The following CACNA1B variants were observed in gnomAD, a reference collection of about 807,000 sequenced individuals.
CACNA1B encodes the protein calcium voltage-gated channel subunit alpha1 B, also known as voltage-dependent N-type calcium channel subunit alpha-1B.
A neutral mutation model predicts 247.2 loss-of-function variants in CACNA1B; 70 were observed. The observed-to-expected ratio is 0.28, with a 90% CI of 0.23 to 0.35. CACNA1B has a LOEUF of 0.35. Among genes scored for constraint, CACNA1B ranks in the 10% least tolerant of loss-of-function variants. The pLI is 1.00. For synonymous variants in CACNA1B, 1,231 were observed against 1,294.4 expected (o/e 0.95, Z 1.05); for missense variants, 2,367 against 3,197.4 (o/e 0.74, Z 6.26).
At chr9:138,041,717 C>T (rs1353787687) in intron 20 of CACNA1B, among the ~76,000 whole-genome samples, 1 of 152,066 alleles carries the variant, frequency 6.6e-6, no homozygotes, top group Non-Finnish European at 1.5e-5. Flanking sequence ...TTCATTGAAG[C>T]CAGACTGATT....
At position 138,115,619 on chromosome 9, in the gene CACNA1B, G is replaced by A. The variant is rs764730463; in HGVS notation, c.5717G>A (p.Arg1906Gln). 6 of 1,613,584 alleles carry A rather than the reference G, an allele frequency of 3.7e-6. No homozygotes were observed. Among genetic ancestry groups the A allele is most frequent in the South Asian group, 1.1e-5 (1 of 91,064 alleles). Residue 1906 changes from arginine to glutamine, a missense_variant, in exon 42 of 47, where the codon CGA becomes CAA. Physicochemically the swap from Arg to Gln is conservative, Grantham distance 43. Around this residue, in one of 12 missense-constraint regions of CACNA1B, gnomAD observed 773 missense variants for 779.4 expected, o/e 0.99. Coordinates refer to ENST00000371372, the MANE Select transcript of CACNA1B (RefSeq NM_000718.4). The stretch of plus-strand genomic sequence containing the variant: ...GAGCAGACACAGCCGGCTGTGCTCC[G>A]AGGAGCCCGGGTTTTCCTTCGACAG... The part of the protein sequence containing the change: ...TLEQTQPAVL[R>Q]GARVFLRQKS...
chr9:137,919,624 C>T lies in CACNA1B; in HGVS notation c.966+2193C>T, dbSNP rs559278683. Among the ~76,000 whole-genome samples the T allele has an allele frequency of 1.3e-5, 2 of 152,310 alleles. No individual in the cohort carries two copies. The highest frequency in any genetic ancestry group is 4.1e-4 in the South Asian group (2 of 4,824). ...CTCACCTCCAACCCAGTGAGAGGGA[C>T]TTTTGTGGCCCCTCGGATATACGCT... On this transcript the variant is annotated intron_variant, in intron 6 of 46. Transcript: ENST00000371372. The surrounding 1 kb of genome is among the most constrained non-coding windows in gnomAD (Gnocchi z 4.6).
rs369607268 is a variant in CACNA1B, at chr9:137,942,298, G to A, written c.967-9976G>A. The stretch of plus-strand genomic sequence containing the variant: ...GATACCAGCTTACTCCTGCAAGAAT[G>A]GTGGTAATAAAAAAATTTAAAAATA... On this transcript the variant is annotated intron_variant, in intron 6 of 46. Coordinates refer to ENST00000371372, the MANE Select transcript of CACNA1B (RefSeq NM_000718.4). 2.0e-5 allele frequency among the ~76,000 whole-genome samples: 3 copies of A among 152,318 alleles called. No individual in the cohort carries two copies. The East Asian group carries it at 5.8e-4, about 29-fold the overall frequency.
rs142211441 is a variant in CACNA1B at position 137,998,885 on chromosome 9, A to G, written c.1975-7882A>G. 2.8e-4 allele frequency among the ~76,000 whole-genome samples: 43 copies of G among 152,390 alleles called. No homozygotes were observed. The East Asian group carries it at 6.0e-3, about 21-fold the overall frequency. On this transcript the variant is annotated intron_variant, in intron 15 of 46. Transcript: ENST00000371372. Reference sequence around the variant, plus strand: ...AAAAGATTAGAAAGGATCTAAAAACATGAACCAGTTGTCACATACAGAACT... The same window carrying G: ...AAAAGATTAGAAAGGATCTAAAAACGTGAACCAGTTGTCACATACAGAACT...
chr9:138,087,384 C>CAAAAAAAAAAAAAAAAAAA (rs58566171), intron 36 of CACNA1B, among the ~76,000 whole-genome samples: 2 of 52,668 alleles, frequency 3.8e-5, no homozygotes, highest in African/African-American at 6.5e-5. Context: ...GACTCTGTCT[C>CAAAAAAAAAAAAAAAAAAA]AAAAAAAAAA....
intron 11 of CACNA1B, 76 bp from the exon 12 acceptor site, chr9:137,975,831 G>T: frequency 1.2e-6 from 1 of 852,350 alleles, no homozygotes; most frequent in African/African-American, 1.7e-5. Context: ...CAGAGGTCTG[G>T]TGTCCTCCAG....
chr9:137,932,946 T>G lies in CACNA1B; in HGVS notation c.966+15515T>G, dbSNP rs1307799534. Among the ~76,000 whole-genome samples, 3 of 152,098 alleles carry G rather than the reference T, an allele frequency of 2.0e-5. No homozygotes were observed. In the South Asian group the frequency reaches 6.2e-4, roughly 32 times the overall value. The stretch of plus-strand genomic sequence containing the variant: ...TTATTTATTTATTTATTTATTATAT[T>G]TTTTGAGATGGAGTCTCTCTCTGTC... On this transcript the variant is annotated intron_variant, in intron 6 of 46. Coordinates refer to ENST00000371372, the MANE Select transcript of CACNA1B (RefSeq NM_000718.4).
At position 138,123,559 on chromosome 9, in the gene CACNA1B, GATGT is replaced by G. The variant is rs1465036576; in HGVS notation, c.*1561_*1564del. On this transcript the variant is annotated 3_prime_UTR_variant, in exon 47 of 47. Transcript: ENST00000371372. ...GATTCTCCTCAAAGAAATTGTGTGT[GATGT>G]GTGTGTGTGTGTGTGTGTGTGTGTG... 3.0e-5 allele frequency: 2 copies of G among 66,074 alleles called. No homozygotes were observed. The highest frequency in any genetic ancestry group is 6.3e-5 in the Non-Finnish European group (2 of 31,740). 4.1% of individuals were successfully genotyped at this position (66,074 alleles called of 1,614,324 possible). A position where few individuals can be genotyped will look rare whatever the true frequency, so the allele number is the denominator to read the frequency against.
rs1191278895 is a variant in CACNA1B at position 137,952,359 on chromosome 9, T to A, written c.1052T>A (p.Val351Glu). ...GGCTCCTTCTTCATGCTCAACCTGG[T>A]GCTGGGCGTGCTCTCGGGGTGAGAG... is the stretch of plus-strand genomic sequence containing the variant. ...IIGSFFMLNL[V>E]LGVLSGEFAK... The change falls in exon 7 of 47, where the codon GTG becomes GAG. Residue 351 changes from valine (V) to glutamate (E), a missense_variant. Val to Glu is a moderately radical substitution (Grantham distance 121). Around this residue, in one of 12 missense-constraint regions of CACNA1B, gnomAD observed 3 missense variants for 20.7 expected, o/e 0.14. Transcript: ENST00000371372. The surrounding 1 kb of genome is among the most constrained non-coding windows in gnomAD (Gnocchi z 4.8). The A allele has an allele frequency of 6.2e-7, 1 of 1,613,610 alleles. No homozygotes were observed. The highest frequency in any genetic ancestry group is 8.5e-7 in the Non-Finnish European group (1 of 1,179,656).
intron 15 of CACNA1B, among the ~76,000 whole-genome samples, chr9:137,994,782 C>T (rs1272395351): frequency 6.6e-6 from 1 of 152,212 alleles, no homozygotes; most frequent in East Asian, 1.9e-4. Flanking sequence ...AATGACTATA[C>T]TGCCAAAAGC....
rs1377607532 is a variant in CACNA1B, at chr9:137,917,307, C to A, written c.842C>A (p.Thr281Asn). ...EAPARLCEGD[T>N]ECREYWPGPN... The stretch of plus-strand genomic sequence containing the variant: ...CCAGCCCGGCTGTGCGAGGGCGACA[C>A]TGAGTGCCGGGAGTACTGGCCAGGA... The change falls in exon 6 of 47, where the codon ACT becomes AAT. Residue 281 changes from threonine (T) to asparagine (N), a missense_variant. By Grantham distance (65) the Thr-to-Asn change is moderately conservative. Coordinates refer to ENST00000371372, the MANE Select transcript of CACNA1B (RefSeq NM_000718.4). The surrounding 1 kb of genome is among the most constrained non-coding windows in gnomAD (Gnocchi z 5.5). 2.5e-6 allele frequency: 4 copies of A among 1,613,886 alleles called. No homozygotes were observed. The highest frequency in any genetic ancestry group is 3.4e-6 in the Non-Finnish European group (4 of 1,179,878).
chr9:138,035,032 A>C (rs952664294), intron 20 of CACNA1B, among the ~76,000 whole-genome samples: 1 of 152,252 alleles, frequency 6.6e-6, no homozygotes, highest in Non-Finnish European at 1.5e-5. Flanking sequence ...TCATCATGGT[A>C]CTTAGAACAG....
At chr9:138,013,572 C>T (rs1399651001) in intron 18 of CACNA1B, among the ~76,000 whole-genome samples, 1 of 152,200 alleles carries the variant, frequency 6.6e-6, no homozygotes, top group African/African-American at 2.4e-5. Flanking sequence ...CAGTAAGTTG[C>T]TTTTATGCAC....
intron 6 of CACNA1B, among the ~76,000 whole-genome samples, chr9:137,941,764 A>T (rs940406481): frequency 1.3e-5 from 2 of 152,230 alleles, no homozygotes; most frequent in Non-Finnish European, 2.9e-5. Context: ...GTGTTGGGAT[A>T]ATTGGCAAGC....
intron 21 of CACNA1B, among the ~76,000 whole-genome samples, 157 bp downstream of exon 21, chr9:138,044,057 C>T (rs1052549491): frequency 6.6e-6 from 1 of 152,194 alleles, no homozygotes; most frequent in African/African-American, 2.4e-5. Flanking sequence ...GCCCGTGTGA[C>T]CTCATTCTGC....
intron 31 of CACNA1B, among the ~76,000 whole-genome samples, chr9:138,060,334 G>C (rs893306320): frequency 6.6e-6 from 1 of 152,178 alleles, no homozygotes; most frequent in Non-Finnish European, 1.5e-5. Flanking sequence ...TTGAATTCTC[G>C]AGAAGCAGAC....
chr9:138,019,573 T>C (rs903078546), intron 18 of CACNA1B, among the ~76,000 whole-genome samples: 1 of 151,082 alleles, frequency 6.6e-6, no homozygotes, highest in African/African-American at 2.4e-5. Context: ...CAGGTGCAGT[T>C]AGGCCACCTG....
chr9:137,996,116 A>G (rs1958497644), intron 15 of CACNA1B, among the ~76,000 whole-genome samples: 2 of 152,348 alleles, frequency 1.3e-5, no homozygotes, highest in South Asian at 4.1e-4. Context: ...AAAGAACTAA[A>G]AGTATATCTA....
intron 6 of CACNA1B, among the ~76,000 whole-genome samples, chr9:137,931,416 G>A (rs1957606448): frequency 1.3e-5 from 2 of 152,138 alleles, no homozygotes; most frequent in South Asian, 4.2e-4. Flanking sequence ...CGATACAGTG[G>A]AATGGGGGGC....
Sources: allele counts gnomAD v4.1 joint callset (sites outside exome capture counted in the v4.1 genomes callset), GRCh38; gene constraint gnomAD v4.1.1; regional missense constraint gnomAD v4.1.1; non-coding constraint Gnocchi (gnomAD v3.1); transcripts MANE v1.5; gene names NCBI Gene and HGNC (gene_info 2026-07-23, HGNC 2026-07-21).